Variants in PTPRK observed in about 807,000 individuals in gnomAD.
PTPRK encodes the protein protein tyrosine phosphatase receptor type K.
PTPRK carries 75 observed loss-of-function variants against 178.0 expected under a neutral mutation model. The ratio of observed to expected loss-of-function variants is 0.42; its 90% CI spans 0.35 to 0.51. PTPRK has a LOEUF of 0.51. Ranked by LOEUF, PTPRK falls within the 20% of genes least tolerant of loss-of-function variation. PTPRK has a pLI of 0.02. For missense variants in PTPRK, 1,441 were observed against 1,797.8 expected (o/e 0.80, Z 3.59); for synonymous variants, 637 against 620.6 (o/e 1.03, Z -0.39).
At chr6:128,114,713 G>A (rs1023093343) in intron 7 of PTPRK, among the ~76,000 whole-genome samples, 1 of 150,456 alleles carries the variant, frequency 6.6e-6, no homozygotes, top group Non-Finnish European at 1.5e-5. Flanking sequence ...CCTCCCACCA[G>A]GTCCCTGCCT....
chr6:128,520,366 T>A lies in PTPRK; in HGVS notation c.-8A>T, dbSNP rs757194611. 6.3e-7 allele frequency: 1 copy of A among 1,599,032 alleles called. No homozygotes were observed. The highest frequency in any genetic ancestry group is 8.5e-7 in the Non-Finnish European group (1 of 1,172,482). On this transcript the variant is annotated 5_prime_UTR_variant, in exon 1 of 30. Coordinates refer to ENST00000368226, the MANE Select transcript of PTPRK (RefSeq NM_002844.4). The stretch of plus-strand genomic sequence containing the variant: ...CGCCGCAGTCGTATCCATGCCGAGT[T>A]TGGGAGAAGTTTCAAGCAGCTTTGC...
At chr6:127,976,106 T>G (rs1240625996) in intron 27 of PTPRK, among the ~76,000 whole-genome samples, 1 of 152,194 alleles carries the variant, frequency 6.6e-6, no homozygotes, top group Non-Finnish European at 1.5e-5. Context: ...GTAGCAGCAC[T>G]GGTTCTACCT....
intron 3 of PTPRK, among the ~76,000 whole-genome samples, chr6:128,293,338 C>G (rs1823725498): frequency 6.6e-6 from 1 of 152,020 alleles, no homozygotes; most frequent in Non-Finnish European, 1.5e-5. Context: ...GTTGCTGCAT[C>G]CTCAGAGAGG....
intron 1 of PTPRK, among the ~76,000 whole-genome samples, chr6:128,482,975 C>T (rs1003646653): frequency 3.9e-5 from 6 of 152,154 alleles, no homozygotes; most frequent in Non-Finnish European, 7.4e-5. Context: ...TTTTTCTTAG[C>T]TGGGCCAACT....
chr6:128,113,518 C>T (rs1487211915), intron 7 of PTPRK, among the ~76,000 whole-genome samples: 1 of 151,560 alleles, frequency 6.6e-6, no homozygotes, highest in Non-Finnish European at 1.5e-5. Flanking sequence ...TACAGTATAA[C>T]AACTATTTAC....
At chr6:128,186,263 A>G (rs1297086678) in intron 6 of PTPRK, among the ~76,000 whole-genome samples, 2 of 152,066 alleles carry the variant, frequency 1.3e-5, no homozygotes, top group Admixed American at 1.3e-4. Flanking sequence ...AATGAATGTA[A>G]TATCAATATT....
At chr6:128,264,170 G>T (rs1198561954) in intron 3 of PTPRK, among the ~76,000 whole-genome samples, 8 of 152,128 alleles carry the variant, frequency 5.3e-5, no homozygotes, top group Admixed American at 5.2e-4. Flanking sequence ...CGAAGAAGAT[G>T]CCTGCCTCCC....
At chr6:128,497,428 AG>A (rs1854845805) in intron 1 of PTPRK, among the ~76,000 whole-genome samples, 1 of 152,150 alleles carries the variant, frequency 6.6e-6, no homozygotes, top group Non-Finnish European at 1.5e-5. Context: ...TGGGCAACAT[AG>A]GGAGACCCTG....
chr6:128,289,577 G>A (rs2128306259), intron 3 of PTPRK, among the ~76,000 whole-genome samples: 1 of 152,186 alleles, frequency 6.6e-6, no homozygotes, highest in South Asian at 2.1e-4. Context: ...AAGAGCAATT[G>A]ATCCTGTGGG....
At chr6:128,007,105 TTGA>T (rs1171775291) in intron 14 of PTPRK, among the ~76,000 whole-genome samples, 8 of 150,970 alleles carry the variant, frequency 5.3e-5, no homozygotes, top group East Asian at 3.9e-4. Flanking sequence ...TAAGCTATAC[TTGA>T]TGATAATATC....
At chr6:128,147,552 C>A (rs1398513550) in intron 7 of PTPRK, among the ~76,000 whole-genome samples, 3 of 152,084 alleles carry the variant, frequency 2.0e-5, no homozygotes, top group Middle Eastern at 6.8e-3. Context: ...AAGAATCAAA[C>A]CATATAAATA....
At chr6:128,297,700 A>G (rs1358748939) in intron 3 of PTPRK, among the ~76,000 whole-genome samples, 2 of 152,242 alleles carry the variant, frequency 1.3e-5, no homozygotes, top group Non-Finnish European at 2.9e-5. Context: ...ACAGCATACC[A>G]GAATCTCTGG....
intron 3 of PTPRK, among the ~76,000 whole-genome samples, chr6:128,288,929 T>C (rs1370787757): frequency 6.6e-6 from 1 of 152,118 alleles, no homozygotes; most frequent in Non-Finnish European, 1.5e-5. Context: ...CTGACCTTTC[T>C]TCTTTCTTAT....
At chr6:128,215,274 C>A (rs996972108) in intron 6 of PTPRK, among the ~76,000 whole-genome samples, 21 of 152,234 alleles carry the variant, frequency 1.4e-4, no homozygotes, top group African/African-American at 4.8e-4. Context: ...TGGAAACAGA[C>A]GGAGGAGATC....
chr6:128,259,451 T>G (rs1421108148), intron 3 of PTPRK, among the ~76,000 whole-genome samples: 2 of 152,144 alleles, frequency 1.3e-5, no homozygotes, highest in African/African-American at 4.8e-5. Flanking sequence ...ATATCAAGTT[T>G]AATATGCACA....
At chr6:128,153,807 C>T (rs1258585638) in intron 7 of PTPRK, among the ~76,000 whole-genome samples, 2 of 151,788 alleles carry the variant, frequency 1.3e-5, no homozygotes, top group Non-Finnish European at 2.9e-5. Flanking sequence ...ATGGAAAATT[C>T]GTTCATTCAA....
chr6:128,289,990 G>A (rs1202526458), intron 3 of PTPRK, among the ~76,000 whole-genome samples: 7 of 152,064 alleles, frequency 4.6e-5, no homozygotes, highest in Non-Finnish European at 1.0e-4. Context: ...CACTTGATTT[G>A]TGAAGCAGTA....
chr6:128,000,399 A>G (rs1777688517), intron 15 of PTPRK: 1 of 1,039,892 alleles, frequency 9.6e-7, no homozygotes, highest in Non-Finnish European at 1.2e-6. Context: ...GCTTGATTGC[A>G]TTTATCTTTA....
At chr6:128,342,238 G>C (rs1831764089) in intron 2 of PTPRK, among the ~76,000 whole-genome samples, 1 of 152,104 alleles carries the variant, frequency 6.6e-6, no homozygotes, top group South Asian at 2.1e-4. Flanking sequence ...GGGTGACAGA[G>C]TGAGACTCCA....
Sources: allele counts gnomAD v4.1 joint callset (sites outside exome capture counted in the v4.1 genomes callset), GRCh38; gene constraint gnomAD v4.1.1; transcripts MANE v1.5; gene names NCBI Gene and HGNC (gene_info 2026-07-23, HGNC 2026-07-21).